Variants in CEP85L observed in about 807,000 individuals in gnomAD.
CEP85L encodes centrosomal protein of 85 kDa-like.
In CEP85L, 60 loss-of-function variants were observed where a neutral mutation model predicts 100.3. The observed-to-expected ratio is 0.60, with a 90% CI of 0.49 to 0.74. CEP85L has a LOEUF of 0.74. Among genes scored for constraint, CEP85L ranks in the 30% least tolerant of loss-of-function variants. CEP85L has a pLI of 0.00. For missense variants in CEP85L, 973 were observed against 936.2 expected (o/e 1.04, Z -0.51); for synonymous variants, 319 against 322.7 (o/e 0.99, Z 0.12).
At chr6:118,468,371 T>C (rs1772690865) in intron 12 of CEP85L, among the ~76,000 whole-genome samples, 1 of 152,206 alleles carries the variant, frequency 6.6e-6, no homozygotes, top group Admixed American at 6.5e-5. Context: ...TCTTACTGCA[T>C]TCCTATTTCC....
At chr6:118,499,943 T>G (rs1775171228) in intron 5 of CEP85L, among the ~76,000 whole-genome samples, 2 of 151,880 alleles carry the variant, frequency 1.3e-5, no homozygotes, top group South Asian at 4.2e-4. Flanking sequence ...AAGGAAGAAA[T>G]AAAACCATCA....
In CEP85L at chr6:118,566,249, G is replaced by A. The variant is rs1165896793; in HGVS notation, c.300C>T (p.Ala100=). 3 of 1,613,896 alleles carry A rather than the reference G, an allele frequency of 1.9e-6. No homozygotes were observed. In the African/African-American group the frequency reaches 4.0e-5, roughly 22 times the overall value. Residue 100 remains alanine, a synonymous_variant, in exon 3 of 13, where the codon GCC becomes GCT. Coordinates refer to ENST00000368491, the MANE Select transcript of CEP85L (RefSeq NM_001042475.3). ...PSQSLITLPT[A]HVMPSNSSAS... ...CGCTGGAATTAGACGGCATCACATG[G>A]GCAGTAGGAAGAGTAATCAATGATT...
chr6:118,535,778 C>CA (rs1777554881), intron 3 of CEP85L, among the ~76,000 whole-genome samples: 1 of 152,052 alleles, frequency 6.6e-6, no homozygotes, highest in African/African-American at 2.4e-5. Context: ...CCCCAAAGTG[C>CA]AAGAGTAGTG....
At chr6:118,575,110 A>G (rs2115045556) in intron 2 of CEP85L, among the ~76,000 whole-genome samples, 1 of 152,210 alleles carries the variant, frequency 6.6e-6, no homozygotes, top group Non-Finnish European at 1.5e-5. Context: ...CTATTAGGAG[A>G]GGTTGAGCTC....
intron 1 of CEP85L, among the ~76,000 whole-genome samples, chr6:118,648,221 T>C (rs757903401): frequency 9.2e-5 from 14 of 152,142 alleles, no homozygotes; most frequent in Non-Finnish European, 1.9e-4. Flanking sequence ...ACCACTGCAC[T>C]CCAGGCTGGG....
intron 1 of CEP85L, among the ~76,000 whole-genome samples, chr6:118,648,696 C>A (rs924119664): frequency 6.7e-6 from 1 of 148,576 alleles, no homozygotes; most frequent in Admixed American, 6.7e-5. Flanking sequence ...GAGCCGAGAT[C>A]GCGCCACTAC....
intron 2 of CEP85L, among the ~76,000 whole-genome samples, chr6:118,599,582 T>G (rs1781619229): frequency 6.6e-6 from 1 of 152,174 alleles, no homozygotes; most frequent in Admixed American, 6.5e-5. Flanking sequence ...CAGGACTCAG[T>G]GACTTGCTTC....
chr6:118,571,649 A>T (rs1210636216), intron 2 of CEP85L, among the ~76,000 whole-genome samples: 2 of 151,710 alleles, frequency 1.3e-5, no homozygotes, highest in African/African-American at 4.8e-5. Context: ...AAATGCAAAA[A>T]AAGACCACTC....
intron 3 of CEP85L, among the ~76,000 whole-genome samples, chr6:118,558,200 C>T (rs1778990652): frequency 6.6e-6 from 1 of 152,212 alleles, no homozygotes; most frequent in African/African-American, 2.4e-5. Flanking sequence ...AACTGCCCGC[C>T]TTGGCCTCCC....
At chr6:118,500,738 G>A (rs1050215935) in intron 5 of CEP85L, among the ~76,000 whole-genome samples, 1 of 152,122 alleles carries the variant, frequency 6.6e-6, no homozygotes, top group Admixed American at 6.5e-5. Context: ...CAACAAAATC[G>A]GGTGCTCAAC....
intron 2 of CEP85L, among the ~76,000 whole-genome samples, chr6:118,605,805 G>A (rs919220934): frequency 6.6e-6 from 1 of 152,126 alleles, no homozygotes; most frequent in Non-Finnish European, 1.5e-5. Context: ...GAGGTCAGGA[G>A]ATCGAGGCCA....
At position 118,692,443 on chromosome 6, in the gene CEP85L, C is replaced by CA. The variant is rs566767563; in HGVS notation, c.-28+17592dup. Among the ~76,000 whole-genome samples the CA allele has an allele frequency of 1.1e-3, 165 of 152,224 alleles. 2 individuals are homozygous for CA. Among genetic ancestry groups the CA allele is most frequent in the African/African-American group, 3.5e-3 (146 of 41,520 alleles). ...TTTCGAGGTCAGCAGGTGATACAGT[C>CA]AAAATAATCCCTGAGGAGAGTGTTT... On this transcript the variant is annotated intron_variant, in intron 1 of 13. Coordinates refer to the CEP85L transcript ENST00000368488.
rs755506434 is a variant in CEP85L at position 118,632,618 on chromosome 6, A to G, written c.74-7T>C. 1 of 1,604,380 alleles carries G rather than the reference A, an allele frequency of 6.2e-7. No individual in the cohort carries two copies. Among genetic ancestry groups the G allele is most frequent in the African/African-American group, 1.3e-5 (1 of 74,760 alleles). On this transcript the variant is annotated splice_region_variant and splice_polypyrimidine_tract_variant and intron_variant, in intron 1 of 12. Coordinates refer to ENST00000368491, the MANE Select transcript of CEP85L (RefSeq NM_001042475.3). ...GCTGATGAATAATCTGGGCCTAAAA[A>G]GGGAAATATGTAACAGTTAACACAT...
At chr6:118,647,252 A>T (rs1343017240) in intron 1 of CEP85L, 1 of 171,430 alleles carries the variant, frequency 5.8e-6, no homozygotes, top group African/African-American at 2.4e-5. Flanking sequence ...CAAAGCAATG[A>T]ACAAATGACA....
intron 1 of CEP85L, chr6:118,647,083 T>TG: frequency 1.0e-6 from 1 of 985,030 alleles, no homozygotes; most frequent in Middle Eastern, 5.2e-4. Flanking sequence ...GCCAGAGTTA[T>TG]GTTTCATTGT....
intron 2 of CEP85L, among the ~76,000 whole-genome samples, chr6:118,618,235 G>A (rs557053273): frequency 8.5e-5 from 13 of 152,084 alleles, no homozygotes; most frequent in Non-Finnish European, 1.2e-4. Flanking sequence ...AATAACTGCC[G>A]GTTAGATTTC....
intron 2 of CEP85L, among the ~76,000 whole-genome samples, chr6:118,575,650 A>C (rs1197787909): frequency 6.6e-6 from 1 of 152,196 alleles, no homozygotes; most frequent in East Asian, 1.9e-4. Context: ...GATGGAAGGG[A>C]AATGTTGTCT....
intron 2 of CEP85L, among the ~76,000 whole-genome samples, chr6:118,590,880 C>T (rs1781149446): frequency 6.6e-6 from 1 of 152,134 alleles, no homozygotes; most frequent in Non-Finnish European, 1.5e-5. Context: ...CCACATGTGT[C>T]CGTGTCGTTT....
chr6:118,542,177 T>C (rs1279251085), intron 3 of CEP85L, among the ~76,000 whole-genome samples: 2 of 152,152 alleles, frequency 1.3e-5, no homozygotes, highest in South Asian at 2.1e-4. Flanking sequence ...CACATTTACA[T>C]AGTAAAAATA....
Sources: gnomAD v4.1 joint callset for allele counts (sites outside exome capture counted in the v4.1 genomes callset) on GRCh38, gnomAD v4.1.1 for gene constraint, MANE v1.5 for transcripts, NCBI Gene and HGNC (gene_info 2026-07-23, HGNC 2026-07-21) for gene names.